The following PCDHA12 variants were observed in gnomAD, a reference collection of about 807,000 sequenced individuals.
PCDHA12 encodes the protein protocadherin alpha-12.
PCDHA12 carries 44 observed loss-of-function variants against 60.0 expected under a neutral mutation model. The ratio of observed to expected loss-of-function variants is 0.73; its 90% CI spans 0.58 to 0.94. PCDHA12 has a LOEUF of 0.94. PCDHA12 is among the 40% of genes least tolerant of loss of function. PCDHA12 has a pLI of 0.00. For synonymous variants in PCDHA12, 569 were observed against 553.0 expected (o/e 1.03, Z -0.40); for missense variants, 1,276 against 1,239.7 (o/e 1.03, Z -0.44).
At chr5:140,949,264 G>T (rs139292588) in intron 1 of PCDHA12, among the ~76,000 whole-genome samples, 2 of 151,666 alleles carry the variant, frequency 1.3e-5, no homozygotes, top group African/African-American at 2.4e-5. Flanking sequence ...AACATATCAC[G>T]TGCACTTGAA....
chr5:141,005,798 C>T (rs1236554438), intron 3 of PCDHA12, among the ~76,000 whole-genome samples: 1 of 143,634 alleles, frequency 7.0e-6, no homozygotes, highest in African/African-American at 2.6e-5. Context: ...GCAAAAACAA[C>T]TCCAAGGAGC....
At chr5:140,925,124 A>AGGAAGGAAGGAAGG (rs1554202565) in intron 1 of PCDHA12, among the ~76,000 whole-genome samples, 2 of 151,856 alleles carry the variant, frequency 1.3e-5, no homozygotes, top group African/African-American at 2.4e-5. Context: ...GAAGGAAGGA[A>AGGAAGGAAGGAAGG]AAAAAATTTC....
Position 140,923,348 on chromosome 5 carries a change from G to A in PCDHA12, c.2367+45509G>A, listed in dbSNP as rs376610944. Among the ~76,000 whole-genome samples the A allele has an allele frequency of 2.6e-3, 395 of 152,192 alleles. 2 individuals are homozygous for A. Among genetic ancestry groups the A allele is most frequent in the African/African-American group, 9.2e-3 (384 of 41,538 alleles). ...CAAGGACAGTTTGGGCAACATAGTG[G>A]GACCCTATCTTTATAAAATATTTTT... is the stretch of plus-strand genomic sequence containing the variant. On this transcript the variant is annotated intron_variant, in intron 1 of 3. Coordinates refer to ENST00000398631, the MANE Select transcript of PCDHA12 (RefSeq NM_018903.4).
chr5:140,993,128 T>A (rs1250312762), intron 3 of PCDHA12, among the ~76,000 whole-genome samples: 2 of 152,234 alleles, frequency 1.3e-5, no homozygotes, highest in Non-Finnish European at 2.9e-5. Flanking sequence ...AATTTCCTTC[T>A]GTTGCAACAA....
rs75032728 is a variant in PCDHA12 at position 140,932,740 on chromosome 5, T to C, written c.2368-46209T>C. On this transcript the variant is annotated intron_variant, in intron 1 of 3. Coordinates refer to ENST00000398631, the MANE Select transcript of PCDHA12 (RefSeq NM_018903.4). The stretch of plus-strand genomic sequence containing the variant: ...ATATTGTATAATATAGACCCTCAAA[T>C]CAGTAAAAAGGAAAGAAAAAGAACA... 5.5e-3 allele frequency among the ~76,000 whole-genome samples: 829 copies of C among 151,670 alleles called. 4 individuals carry two copies. The highest frequency in any genetic ancestry group is 0.019 in the African/African-American group (798 of 41,410).
At chr5:140,883,018 G>T (rs1400637236) in intron 1 of PCDHA12, 2 of 1,613,968 alleles carry the variant, frequency 1.2e-6, no homozygotes, top group East Asian at 2.2e-5. Flanking sequence ...ATAAAGTGAC[G>T]GTGTTAGAGA....
intron 1 of PCDHA12, chr5:140,927,991 G>T: frequency 6.2e-7 from 1 of 1,614,202 alleles, no homozygotes; most frequent in Non-Finnish European, 8.5e-7. Flanking sequence ...TGTAAAGGAT[G>T]AAGACCTCGA....
At chr5:140,988,043 A>G (rs2153870251) in intron 3 of PCDHA12, among the ~76,000 whole-genome samples, 1 of 152,336 alleles carries the variant, frequency 6.6e-6, no homozygotes, top group Non-Finnish European at 1.5e-5. Context: ...GAATCTGTTT[A>G]GGAGCACTGT....
At chr5:140,976,528 A>G (rs1238458657) in intron 1 of PCDHA12, among the ~76,000 whole-genome samples, 1 of 152,112 alleles carries the variant, frequency 6.6e-6, no homozygotes, top group East Asian at 1.9e-4. Flanking sequence ...ACCAGCCTAA[A>G]TGACAGAGTA....
chr5:140,881,837 A>G (rs1554172601), intron 1 of PCDHA12, among the ~76,000 whole-genome samples: 1 of 152,238 alleles, frequency 6.6e-6, no homozygotes, highest in Admixed American at 6.5e-5. Flanking sequence ...TTCTGCATGG[A>G]ATTCTTACAC....
At chr5:140,985,562 C>G (rs1477250763) in intron 3 of PCDHA12, among the ~76,000 whole-genome samples, 1 of 152,116 alleles carries the variant, frequency 6.6e-6, no homozygotes, top group Non-Finnish European at 1.5e-5. Flanking sequence ...CAAAAGGCTT[C>G]TTTCTGGTGC....
intron 1 of PCDHA12, chr5:140,882,841 A>G: frequency 6.2e-7 from 1 of 1,614,232 alleles, no homozygotes; most frequent in East Asian, 2.2e-5. Flanking sequence ...AAATGTCTTC[A>G]TTATCACTTG....
chr5:140,898,593 C>A (rs1236439193), intron 1 of PCDHA12, among the ~76,000 whole-genome samples: 13 of 152,146 alleles, frequency 8.5e-5, no homozygotes, highest in Admixed American at 1.3e-4. Flanking sequence ...GTTACTGTAG[C>A]CTTGTAGTAT....
chr5:140,966,575 A>C (rs2096022921), intron 1 of PCDHA12: 1 of 520,380 alleles, frequency 1.9e-6, no homozygotes, highest in Non-Finnish European at 3.2e-6. Context: ...ATGGGGAGTC[A>C]GCGAGGACGG....
intron 1 of PCDHA12, among the ~76,000 whole-genome samples, chr5:140,908,488 A>G (rs2073999089): frequency 6.6e-6 from 1 of 152,206 alleles, no homozygotes; most frequent in Non-Finnish European, 1.5e-5. Flanking sequence ...TAGGCAGTTC[A>G]GGTTGCTTGG....
At position 140,876,394 on chromosome 5, in the gene PCDHA12, C is replaced by T; in HGVS notation, c.922C>T (p.Leu308=). 1 of 1,613,826 alleles carries T rather than the reference C, an allele frequency of 6.2e-7. No homozygotes were observed. Among genetic ancestry groups the T allele is most frequent in the Non-Finnish European group, 8.5e-7 (1 of 1,179,874 alleles). ...DTGEIRIYGE[L]DFEENNAYEI... ...AGGTGAAATTAGAATTTATGGTGAA[C>T]TGGATTTTGAAGAGAATAATGCCTA... The change falls in exon 1 of 4, where the codon CTG becomes TTG. Residue 308 remains leucine, a synonymous_variant. Coordinates refer to ENST00000398631, the MANE Select transcript of PCDHA12 (RefSeq NM_018903.4).
Position 140,971,209 on chromosome 5 carries a change from C to A in PCDHA12, c.2368-7740C>A, listed in dbSNP as rs147218200. 2.2e-3 allele frequency among the ~76,000 whole-genome samples: 328 copies of A among 152,236 alleles called. 3 individuals are homozygous for A. Among genetic ancestry groups the A allele is most frequent in the African/African-American group, 7.7e-3 (319 of 41,534 alleles). Reference sequence around the variant, plus strand: ...AAGCTCAGAGGAAAGACACTGTTACCCTCCCTCTCCTGACTCAAAGCTTGG... The same window carrying A: ...AAGCTCAGAGGAAAGACACTGTTACACTCCCTCTCCTGACTCAAAGCTTGG... On this transcript the variant is annotated intron_variant, in intron 1 of 3. Coordinates refer to ENST00000398631, the MANE Select transcript of PCDHA12 (RefSeq NM_018903.4).
At chr5:140,884,376 C>T (rs1554181489) in intron 1 of PCDHA12, 2 of 1,613,982 alleles carry the variant, frequency 1.2e-6, no homozygotes, top group Non-Finnish European at 1.7e-6. Context: ...TTGATCATTG[C>T]CATCTGCGCG....
chr5:140,966,382 G>A, intron 1 of PCDHA12: 1 of 403,884 alleles, frequency 2.5e-6, no homozygotes, highest in Non-Finnish European at 4.3e-6. Context: ...GTCCGGGTTC[G>A]CTGTCCGCCA....
Sources: allele counts gnomAD v4.1 joint callset (sites outside exome capture counted in the v4.1 genomes callset), GRCh38; gene constraint gnomAD v4.1.1; transcripts MANE v1.5; gene names NCBI Gene and HGNC (gene_info 2026-07-23, HGNC 2026-07-21).